The following TEX15 variants were observed in gnomAD, a reference collection of about 807,000 sequenced individuals.
TEX15 encodes the protein testis expressed 15, meiosis and synapsis associated.
Under a neutral mutation model 237.3 loss-of-function variants are expected in TEX15, and 171 were observed. The ratio of observed to expected loss-of-function variants is 0.72; its 90% CI spans 0.64 to 0.82. TEX15 has a LOEUF of 0.82. TEX15 is among the 40% of genes least tolerant of loss of function. The pLI is 0.00. For missense variants in TEX15, 3,750 were observed against 3,646.5 expected, an observed-to-expected ratio of 1.03 and a Z score of -0.73; for synonymous variants, 1,338 against 1,269.8, an observed-to-expected ratio of 1.05 and a Z score of -1.14.
At chr8:30,881,684 C>T (rs1214262200) in intron 3 of TEX15, among the ~76,000 whole-genome samples, 3 of 140,692 alleles carry the variant, frequency 2.1e-5, no homozygotes, top group East Asian at 2.0e-4. Flanking sequence ...TGCAATGGCG[C>T]GATCTTGGCT....
chr8:30,877,202 T>A (rs1421328), intron 3 of TEX15, among the ~76,000 whole-genome samples: 2 of 152,140 alleles, frequency 1.3e-5, no homozygotes, highest in Non-Finnish European at 2.9e-5. Context: ...AATGCATGCA[T>A]TGGGTAACTC....
intron 7 of TEX15, 70 bp downstream of exon 7, chr8:30,858,598 A>C: frequency 7.7e-7 from 1 of 1,305,070 alleles, no homozygotes; most frequent in African/African-American, 1.5e-5. Context: ...GTGTCCAGCC[A>C]GTAAATAATA....
At chr8:30,890,601 CTGTT>C (rs1264664575) in intron 2 of TEX15, 1 of 152,172 alleles carries the variant, frequency 6.6e-6, no homozygotes, top group Non-Finnish European at 1.5e-5. Flanking sequence ...TGGCCTCTCT[CTGTT>C]TAACTCTTGA....
chr8:30,910,487 T>C (rs1809194260), intron 1 of TEX15, among the ~76,000 whole-genome samples: 1 of 152,122 alleles, frequency 6.6e-6, no homozygotes, highest in Non-Finnish European at 1.5e-5. Context: ...CTGACTCTGT[T>C]GCCCAGGACT....
At chr8:30,864,574 C>T (rs1207343518) in intron 5 of TEX15, among the ~76,000 whole-genome samples, 1 of 147,436 alleles carries the variant, frequency 6.8e-6, no homozygotes, top group Non-Finnish European at 1.5e-5. Context: ...GCAAACTATC[C>T]TTCAGAAATG....
intron 1 of TEX15, among the ~76,000 whole-genome samples, chr8:30,911,134 T>C (rs1809207370): frequency 6.6e-6 from 1 of 152,036 alleles, no homozygotes; most frequent in African/African-American, 2.4e-5. Flanking sequence ...ATTTTTATTT[T>C]TTTGAGACAG....
rs760462447 is a variant in TEX15, at chr8:30,833,343, A to G, written c.9482-20T>C. ...ATGGAGCTGGAAGAAAAAACACCAC[A>G]AAGATTTAAATAAATAATTTAGACT... On this transcript the variant is annotated intron_variant, in intron 10 of 10. Transcript: ENST00000643185. 6.4e-7 allele frequency: 1 copy of G among 1,570,412 alleles called. No homozygotes were observed. The highest frequency in any genetic ancestry group is 8.7e-7 in the Non-Finnish European group (1 of 1,150,972).
chr8:30,896,702 A>G (rs1241086490), intron 2 of TEX15, among the ~76,000 whole-genome samples: 1 of 152,234 alleles, frequency 6.6e-6, no homozygotes, highest in Non-Finnish European at 1.5e-5. Flanking sequence ...ATGCAGTATC[A>G]AAAGAAAGCC....
chr8:30,850,779 A>G (rs1312296571), intron 7 of TEX15, among the ~76,000 whole-genome samples: 1 of 152,212 alleles, frequency 6.6e-6, no homozygotes, highest in African/African-American at 2.4e-5. Flanking sequence ...GCATGACTGA[A>G]AATCAGAAAA....
At chr8:30,868,441 T>C (rs115054711) in intron 4 of TEX15, among the ~76,000 whole-genome samples, 354 of 152,112 alleles carry the variant, frequency 2.3e-3, no homozygotes, top group African/African-American at 8.1e-3. Flanking sequence ...CAAAGGAATG[T>C]ATATACCACA....
intron 10 of TEX15, among the ~76,000 whole-genome samples, chr8:30,834,479 C>T (rs1807248366): frequency 1.0e-5 from 1 of 96,802 alleles, no homozygotes; most frequent in African/African-American, 2.5e-5. Context: ...GCCTTTTTTC[C>T]CCTCTTTTAT....
At chr8:30,901,512 T>C (rs1809005996) in intron 1 of TEX15, among the ~76,000 whole-genome samples, 1 of 152,230 alleles carries the variant, frequency 6.6e-6, no homozygotes, top group African/African-American at 2.4e-5. Context: ...GTAACAACTG[T>C]GTTTAGCTGT....
intron 2 of TEX15, 119 bp downstream of exon 2, chr8:30,898,623 G>A (rs1239961169): frequency 6.6e-6 from 1 of 152,070 alleles, no homozygotes; most frequent in Non-Finnish European, 1.5e-5. Flanking sequence ...TGTGATAAAA[G>A]ACACTCTTCA....
chr8:30,834,137 A>C (rs1807240851), intron 10 of TEX15, among the ~76,000 whole-genome samples: 1 of 152,120 alleles, frequency 6.6e-6, no homozygotes, highest in Non-Finnish European at 1.5e-5. Flanking sequence ...AAAAGGAAAA[A>C]GCAGAGTCAT....
intron 7 of TEX15, among the ~76,000 whole-genome samples, chr8:30,858,244 T>G (rs1372576005): frequency 6.6e-6 from 1 of 151,774 alleles, no homozygotes; most frequent in African/African-American, 2.4e-5. Context: ...TGATTCTAGA[T>G]CTATAAAATG....
intron 5 of TEX15, among the ~76,000 whole-genome samples, chr8:30,866,000 T>C (rs1808154817): frequency 6.6e-6 from 1 of 152,110 alleles, no homozygotes; most frequent in African/African-American, 2.4e-5. Context: ...AGAAGTCAAA[T>C]TATCCTTGTT....
At chr8:30,909,728 G>A (rs929549206) in intron 1 of TEX15, among the ~76,000 whole-genome samples, 4 of 152,096 alleles carry the variant, frequency 2.6e-5, no homozygotes, top group African/African-American at 9.7e-5. Context: ...TACAAAGCAA[G>A]AGTAAATCAC....
intron 5 of TEX15, among the ~76,000 whole-genome samples, chr8:30,861,626 T>G (rs770954395): frequency 1.3e-5 from 2 of 152,174 alleles, no homozygotes. Flanking sequence ...GCCATATTTA[T>G]GTAAAATGTT....
chr8:30,889,937 A>ATATATATATACATATATATATATATAAG (rs1808752584), intron 2 of TEX15, among the ~76,000 whole-genome samples: 1 of 124,320 alleles, frequency 8.0e-6, no homozygotes, highest in African/African-American at 3.8e-5. Context: ...TTATATACAT[A>ATATATATATACATATATATATATATAAG]TATATATATA....
Sources: gnomAD v4.1 joint callset for allele counts (sites outside exome capture counted in the v4.1 genomes callset) on GRCh38, gnomAD v4.1.1 for gene constraint, MANE v1.5 for transcripts, NCBI Gene and HGNC (gene_info 2026-07-23, HGNC 2026-07-21) for gene names.